Variants in GNS observed in about 807,000 individuals in gnomAD.
GNS encodes the protein glucosamine (N-acetyl)-6-sulfatase.
GNS carries 40 observed loss-of-function variants against 69.7 expected under a neutral mutation model. That is an observed-to-expected ratio of 0.57 (90% CI 0.45 to 0.75). The LOEUF is 0.75. GNS is among the 30% of genes least tolerant of loss of function. The pLI is 0.00. For missense variants in GNS, 565 were observed against 685.5 expected (o/e 0.82, Z 1.96); for synonymous variants, 243 against 251.6 (o/e 0.97, Z 0.32).
chr12:64,747,487 C>A (rs1869930237), intron 3 of GNS, among the ~76,000 whole-genome samples: 1 of 152,038 alleles, frequency 6.6e-6, no homozygotes, highest in Non-Finnish European at 1.5e-5. Flanking sequence ...AACAAGTGCC[C>A]ATATCATATA....
rs764445653 is a variant in GNS at position 64,721,610 on chromosome 12, C to T, written c.1404G>A (p.Glu468=). The T allele has an allele frequency of 1.9e-6, 3 of 1,548,026 alleles. No homozygotes were observed. The highest frequency in any genetic ancestry group is 2.7e-6 in the Non-Finnish European group (3 of 1,119,768). The stretch of plus-strand genomic sequence containing the variant: ...TCCCTCTTACCTCCTGGTCATCAAA[C>T]TCGCAATACTGCAAATTCCACAATG... ...MSALWNLQYC[E]FDDQEVFVEV... Residue 468 remains glutamate, a synonymous_variant, in exon 12 of 14, where the codon GAG becomes GAA. Transcript: ENST00000258145.
intron 11 of GNS, chr12:64,722,711 T>C (rs1211584804): frequency 1.6e-5 from 6 of 374,934 alleles, no homozygotes; most frequent in Non-Finnish European, 2.5e-5. Context: ...TAAAAAAAAA[T>C]GGTACTGTTA....
At position 64,756,814 on chromosome 12, in the gene GNS, C is replaced by T. The variant is rs1870265449; in HGVS notation, c.192+2271G>A. The T allele has an allele frequency of 1.1e-5, 10 of 928,000 alleles. 1 individual carries two copies. The South Asian group carries it at 1.4e-4, about 13-fold the overall frequency. 57.5% of individuals were successfully genotyped at this position (928,000 alleles called of 1,614,324 possible). ...TTTGGAACATTAAGTTTGACTTATGCCCTCCACTCAATTTTGGTACCTCTC... is the reference window on the plus strand; with the variant it reads ...TTTGGAACATTAAGTTTGACTTATGTCCTCCACTCAATTTTGGTACCTCTC... On this transcript the variant is annotated intron_variant, in intron 1 of 13. Transcript: ENST00000258145.
chr12:64,740,531 T>C, intron 7 of GNS, 75 bp downstream of exon 7: 1 of 822,300 alleles, frequency 1.2e-6, no homozygotes, highest in Admixed American at 1.7e-5. Context: ...AACAATGTGG[T>C]GTGGTCTCCT....
intron 10 of GNS, 33 bp from the exon 11 acceptor site, chr12:64,723,146 G>T: frequency 2.5e-6 from 3 of 1,222,870 alleles, no homozygotes; most frequent in Non-Finnish European, 3.6e-6. Context: ...TTTCTGTGAT[G>T]CACATAGACT....
At chr12:64,744,685 C>T in intron 5 of GNS, 124 bp downstream of exon 5, 1 of 704,094 alleles carries the variant, frequency 1.4e-6, no homozygotes, top group East Asian at 2.7e-5. Context: ...GCAGTTAGAC[C>T]AAGTTACTGT....
chr12:64,728,891 G>A (rs1486071807), intron 10 of GNS, 65 bp downstream of exon 10: 2 of 805,570 alleles, frequency 2.5e-6, no homozygotes, highest in East Asian at 2.5e-5. Flanking sequence ...AAATGCTTAA[G>A]TCTTTACACA....
intron 1 of GNS, 42 bp downstream of exon 1, chr12:64,759,043 A>T (rs1230254419): frequency 2.7e-6 from 4 of 1,472,164 alleles, no homozygotes; most frequent in African/African-American, 1.4e-5. Context: ...CCGGGTAGTC[A>T]GCCCAAGAGA....
intron 9 of GNS, 33 bp downstream of exon 9, chr12:64,736,971 C>T: frequency 1.9e-6 from 2 of 1,048,398 alleles, no homozygotes; most frequent in Non-Finnish European, 1.5e-6. Flanking sequence ...CAAGTGCCTA[C>T]CTGTCCACAG....
At chr12:64,721,454 A>T (rs1869024847) in intron 12 of GNS, 141 bp downstream of exon 12, 1 of 689,014 alleles carries the variant, frequency 1.5e-6, no homozygotes, top group Non-Finnish European at 2.7e-6. Context: ...CAACTGAAGG[A>T]AACCTAAAGT....
intron 9 of GNS, among the ~76,000 whole-genome samples, chr12:64,732,170 T>G (rs1261017951): frequency 0.025 from 1,083 of 43,562 alleles, 51 homozygotes; most frequent in African/African-American, 0.18. Context: ...TTTTTTGTTG[T>G]TTTTTTTTTT....
intron 9 of GNS, among the ~76,000 whole-genome samples, chr12:64,731,209 TG>T (rs981054734): frequency 1.8e-4 from 27 of 152,348 alleles, no homozygotes; most frequent in African/African-American, 6.3e-4. Flanking sequence ...CCAGAGCAAC[TG>T]GGACTACAGG....
chr12:64,717,471 C>G (rs1436172635), intron 13 of GNS, among the ~76,000 whole-genome samples: 1 of 151,946 alleles, frequency 6.6e-6, no homozygotes, highest in East Asian at 1.9e-4. Context: ...CTGTCTTAAG[C>G]CTCCAGAGTA....
chr12:64,741,430 C>T (rs1231572876), intron 6 of GNS, among the ~76,000 whole-genome samples: 5 of 151,722 alleles, frequency 3.3e-5, no homozygotes, highest in African/African-American at 1.2e-4. Context: ...GGATTACAGG[C>T]GTGCACCAAC....
At chr12:64,736,907 G>T in intron 9 of GNS, 97 bp downstream of exon 9, 1 of 762,426 alleles carries the variant, frequency 1.3e-6, no homozygotes, top group Non-Finnish European at 2.4e-6. Flanking sequence ...AGCCCTAGTG[G>T]GAAGAGGAAC....
At chr12:64,725,855 G>C (rs954880176) in intron 10 of GNS, among the ~76,000 whole-genome samples, 2 of 151,828 alleles carry the variant, frequency 1.3e-5, no homozygotes, top group Non-Finnish European at 2.9e-5. Context: ...AATTAGCCGG[G>C]CCTGGTGGCA....
chr12:64,756,017 C>T (rs1040646334), intron 1 of GNS, among the ~76,000 whole-genome samples: 2 of 152,092 alleles, frequency 1.3e-5, no homozygotes, highest in African/African-American at 2.4e-5. Context: ...AACAGTGTGT[C>T]CACCACACTA....
At chr12:64,755,677 G>A (rs1428832392) in intron 1 of GNS, among the ~76,000 whole-genome samples, 1 of 146,180 alleles carries the variant, frequency 6.8e-6, no homozygotes, top group Non-Finnish European at 1.5e-5. Context: ...TAGAGTAAAT[G>A]ATTTTTTTTT....
intron 2 of GNS, among the ~76,000 whole-genome samples, chr12:64,749,354 G>T (rs1223203160): frequency 1.5e-5 from 2 of 131,826 alleles, no homozygotes; most frequent in Admixed American, 8.2e-5. Context: ...CTGGGTTCAC[G>T]CCATTCTCCT....
Sources: gnomAD v4.1 joint callset for allele counts (sites outside exome capture counted in the v4.1 genomes callset) on GRCh38, gnomAD v4.1.1 for gene constraint, MANE v1.5 for transcripts, NCBI Gene and HGNC (gene_info 2026-07-23, HGNC 2026-07-21) for gene names.